ZNF354A: variants seen among roughly 807,000 people sequenced by gnomAD.
ZNF354A encodes the protein zinc finger protein 354A.
A neutral mutation model predicts 53.3 loss-of-function variants in ZNF354A; 25 were observed. That is an observed-to-expected ratio of 0.47 (90% CI 0.34 to 0.66). The LOEUF is 0.66. Among genes scored for constraint, ZNF354A ranks in the 30% least tolerant of loss-of-function variants. ZNF354A has a pLI of 0.01. For synonymous variants in ZNF354A, 228 were observed against 249.0 expected (o/e 0.92, Z 0.79); for missense variants, 586 against 716.8 (o/e 0.82, Z 2.08).
At chr5:178,724,093 C>T (rs1396029633) in intron 4 of ZNF354A, among the ~76,000 whole-genome samples, 1 of 152,150 alleles carries the variant, frequency 6.6e-6, no homozygotes, top group Non-Finnish European at 1.5e-5. Context: ...ATCCATCCCA[C>T]ACCCAACTGC....
At chr5:178,714,304 C>A (rs753714324) in intron 4 of ZNF354A, among the ~76,000 whole-genome samples, 1 of 152,018 alleles carries the variant, frequency 6.6e-6, no homozygotes, top group Non-Finnish European at 1.5e-5. Context: ...TGTGCTCAGC[C>A]TTTATATAAT....
chr5:178,714,964 G>T lies in ZNF354A; in HGVS notation c.257-1343C>A, dbSNP rs112449503. Reference sequence around the variant, plus strand: ...GAGCCAAGAGGTGCAAGATAGGAAGGCAGCCTACTCATGCATCAAGCAAGA... The same window carrying T: ...GAGCCAAGAGGTGCAAGATAGGAAGTCAGCCTACTCATGCATCAAGCAAGA... On this transcript the variant is annotated intron_variant, in intron 4 of 4. Coordinates refer to ENST00000335815, the MANE Select transcript of ZNF354A (RefSeq NM_005649.3). Among the ~76,000 whole-genome samples the T allele has an allele frequency of 3.9e-3, 599 of 152,330 alleles. 8 individuals carry two copies. Among genetic ancestry groups the T allele is most frequent in the African/African-American group, 0.014 (582 of 41,574 alleles).
chr5:178,721,209 T>C (rs942860601), intron 4 of ZNF354A, among the ~76,000 whole-genome samples: 1 of 152,176 alleles, frequency 6.6e-6, no homozygotes, highest in Non-Finnish European at 1.5e-5. Context: ...GGATATGTTC[T>C]GAGATACGCG....
At chr5:178,720,862 T>C (rs1480461542) in intron 4 of ZNF354A, among the ~76,000 whole-genome samples, 3 of 79,132 alleles carry the variant, frequency 3.8e-5, no homozygotes, top group Non-Finnish European at 1.0e-4. Context: ...GCCCCTAGAA[T>C]ACCTACACTA....
At chr5:178,724,478 G>A (rs1765868809) in intron 4 of ZNF354A, among the ~76,000 whole-genome samples, 2 of 152,262 alleles carry the variant, frequency 1.3e-5, no homozygotes, top group South Asian at 4.1e-4. Flanking sequence ...GCCCGCCTCG[G>A]CCTCTGAAAG....
chr5:178,721,799 G>T lies in ZNF354A; in HGVS notation c.256+3577C>A, dbSNP rs368233574. On this transcript the variant is annotated intron_variant, in intron 4 of 4. Coordinates refer to ENST00000335815, the MANE Select transcript of ZNF354A (RefSeq NM_005649.3). ...CCCCTTACAGACGACCTACTCAAAA[G>T]AGCAGTTCAGATGCCTCAAAGTCAA... Among the ~76,000 whole-genome samples the T allele has an allele frequency of 1.1e-3, 162 of 152,190 alleles. 1 individual carries two copies. The highest frequency in any genetic ancestry group is 3.7e-3 in the African/African-American group (153 of 41,508).
chr5:178,713,003 T>G lies in ZNF354A; in HGVS notation c.875A>C (p.His292Pro), dbSNP rs1186119551. The G allele has an allele frequency of 6.2e-7, 1 of 1,614,078 alleles. No homozygotes were observed. Residue 292 changes from histidine (H) to proline (P), a missense_variant, in exon 5 of 5, where the codon CAT becomes CCT. Around this residue, in one of 2 missense-constraint regions of ZNF354A, gnomAD observed 573 missense variants for 680.1 expected, o/e 0.84. Transcript: ENST00000335815. The part of the protein sequence containing the change: ...STSLYKHLRT[H>P]TVEKSYRCKE... Reference sequence around the variant, plus strand: ...ACATCTGTAGGATTTCTCCACAGTATGGGTTCTTAGATGTTTATAAAGGGA... The same window carrying G: ...ACATCTGTAGGATTTCTCCACAGTAGGGGTTCTTAGATGTTTATAAAGGGA...
In ZNF354A at chr5:178,730,567, C is replaced by G. The variant is rs1037124211; in HGVS notation, c.-63G>C. 1.4e-4 allele frequency: 21 copies of G among 152,020 alleles called. No homozygotes were observed. The highest frequency in any genetic ancestry group is 5.2e-4 in the Admixed American group (8 of 15,274). 9.4% of individuals were successfully genotyped at this position (152,020 alleles called of 1,614,324 possible). On this transcript the variant is annotated 5_prime_UTR_variant, in exon 1 of 5. Transcript: ENST00000335815. Reference sequence around the variant, plus strand: ...CCGCCGACGCTCACCTCCCTAAGCTCGAGCGTCCCGGGCCGCGCCTCCCCA... The same window carrying G: ...CCGCCGACGCTCACCTCCCTAAGCTGGAGCGTCCCGGGCCGCGCCTCCCCA...
At chr5:178,717,983 T>C (rs1013543374) in intron 4 of ZNF354A, among the ~76,000 whole-genome samples, 10 of 152,050 alleles carry the variant, frequency 6.6e-5, no homozygotes, top group Non-Finnish European at 1.3e-4. Context: ...GGTGAGAAAA[T>C]AGAAACATCA....
At chr5:178,724,579 A>C (rs945834984) in intron 4 of ZNF354A, among the ~76,000 whole-genome samples, 5 of 152,198 alleles carry the variant, frequency 3.3e-5, no homozygotes, top group Non-Finnish European at 5.9e-5. Context: ...TGTGAATTCA[A>C]ATCACATAAG....
At chr5:178,725,182 C>T (rs1765881550) in intron 4 of ZNF354A, among the ~76,000 whole-genome samples, 194 bp downstream of exon 4, 1 of 152,200 alleles carries the variant, frequency 6.6e-6, no homozygotes, top group Non-Finnish European at 1.5e-5. Flanking sequence ...TCTAAAACAA[C>T]AGGAAAGAGT....
Position 178,719,723 on chromosome 5 carries a change from G to A in ZNF354A, c.256+5653C>T, listed in dbSNP as rs368162146. On this transcript the variant is annotated intron_variant, in intron 4 of 4. Coordinates refer to ENST00000335815, the MANE Select transcript of ZNF354A (RefSeq NM_005649.3). ...AGCACTTTGGGAGGCCGAGGCGGGCGGATCACGAGGTCAGGAGATCGAGAC... is the reference window on the plus strand; with the variant it reads ...AGCACTTTGGGAGGCCGAGGCGGGCAGATCACGAGGTCAGGAGATCGAGAC... 1.2e-3 allele frequency among the ~76,000 whole-genome samples: 181 copies of A among 152,184 alleles called. 3 individuals carry two copies. In the East Asian group the frequency reaches 0.03, roughly 25 times the overall value.
rs1416368194 is a variant in ZNF354A, at chr5:178,711,937, A to G, written c.*123T>C. ...AGCTGAGGTTTATCCATGGAATTAA[A>G]TACCTAATGAGGGCTAAATTATTAC... On this transcript the variant is annotated 3_prime_UTR_variant, in exon 5 of 5. Transcript: ENST00000335815. 1 of 1,228,254 alleles carries G rather than the reference A, an allele frequency of 8.1e-7. No homozygotes were observed. Among genetic ancestry groups the G allele is most frequent in the Non-Finnish European group, 1.1e-6 (1 of 902,592 alleles). The allele number at this position is 1,228,254 out of a possible 1,614,324, so 76.1% of individuals were successfully genotyped here.
At chr5:178,729,748 T>C (rs1765992499) in intron 1 of ZNF354A, among the ~76,000 whole-genome samples, 1 of 151,552 alleles carries the variant, frequency 6.6e-6, no homozygotes, top group East Asian at 2.0e-4. Flanking sequence ...GGTTTCACCG[T>C]GTTGCCCAGG....
intron 2 of ZNF354A, 143 bp from the exon 3 acceptor site, chr5:178,727,268 A>T: frequency 2.0e-6 from 2 of 1,025,322 alleles, no homozygotes; most frequent in Non-Finnish European, 2.7e-6. Context: ...TTAATGAATA[A>T]TTGGCCAGTA....
At chr5:178,719,224 T>A (rs1041690000) in intron 4 of ZNF354A, among the ~76,000 whole-genome samples, 1 of 152,244 alleles carries the variant, frequency 6.6e-6, no homozygotes, top group Non-Finnish European at 1.5e-5. Flanking sequence ...ATCCTAGGCA[T>A]CGGTGATCCA....
chr5:178,721,531 A>G (rs1765812878), intron 4 of ZNF354A, among the ~76,000 whole-genome samples: 1 of 152,200 alleles, frequency 6.6e-6, no homozygotes, highest in African/African-American at 2.4e-5. Flanking sequence ...CACCTTTCTT[A>G]GATAACAGTA....
intron 4 of ZNF354A, among the ~76,000 whole-genome samples, chr5:178,721,132 A>G (rs1389878767): frequency 2.0e-5 from 3 of 151,988 alleles, no homozygotes; most frequent in Non-Finnish European, 2.9e-5. Context: ...AACCATTTTT[A>G]TTGATCTCCT....
Position 178,727,018 on chromosome 5 carries a change from A to T in ZNF354A, c.141T>A (p.Tyr47Ter). The change falls in exon 3 of 5, where the codon TAT (tyrosine) becomes TAA (stop). Residue 47 changes from tyrosine (Y) to a stop codon, truncating the protein, a stop_gained. Coordinates refer to ENST00000335815, the MANE Select transcript of ZNF354A (RefSeq NM_005649.3). LOFTEE classifies it high-confidence loss of function. ...NLYRDVMLENYRNLVSLGLPF... is the reference protein window; with the variant it reads ...NLYRDVMLEN ...CCTTACCCAGTGAGACCAGGTTCCTATAGTTCTCCAGCATCACATCCCGGT... is the reference window on the plus strand; with the variant it reads ...CCTTACCCAGTGAGACCAGGTTCCTTTAGTTCTCCAGCATCACATCCCGGT... 1.2e-6 allele frequency: 2 copies of T among 1,613,356 alleles called. No homozygotes were observed. Among genetic ancestry groups the T allele is most frequent in the Non-Finnish European group, 1.7e-6 (2 of 1,179,764 alleles).
Sources: allele counts gnomAD v4.1 joint callset (sites outside exome capture counted in the v4.1 genomes callset), GRCh38; gene constraint gnomAD v4.1.1; regional missense constraint gnomAD v4.1.1; transcripts MANE v1.5; gene names NCBI Gene and HGNC (gene_info 2026-07-23, HGNC 2026-07-21).